CCDC171: variants seen among roughly 807,000 people sequenced by gnomAD.
CCDC171 encodes coiled-coil domain-containing protein 171.
CCDC171 carries 177 observed loss-of-function variants against 168.2 expected under a neutral mutation model. The observed-to-expected ratio is 1.05, with a 90% CI of 0.93 to 1.19. The LOEUF (loss-of-function observed/expected upper bound fraction) is 1.19, where lower values mean the gene tolerates loss of function less well. CCDC171 is among the 50% of genes most tolerant of loss of function. The pLI is 0.00. For missense variants in CCDC171, 1,991 were observed against 1,539.0 expected (o/e 1.29, Z -4.91); for synonymous variants, 687 against 540.8 (o/e 1.27, Z -3.75).
intron 17 of CCDC171, 42 bp downstream of exon 17, chr9:15,744,819 G>A: frequency 6.4e-7 from 1 of 1,568,726 alleles, no homozygotes; most frequent in Non-Finnish European, 8.6e-7. Context: ...TTGCATGTAA[G>A]CGAAATACAG....
At chr9:15,760,651 T>A (rs565038428) in intron 18 of CCDC171, among the ~76,000 whole-genome samples, 1 of 152,370 alleles carries the variant, frequency 6.6e-6, no homozygotes, top group Admixed American at 6.5e-5. Flanking sequence ...TGTGCACTGA[T>A]GTCTTAATGG....
intron 24 of CCDC171, among the ~76,000 whole-genome samples, chr9:15,917,755 T>C (rs1441986131): frequency 6.6e-6 from 1 of 151,718 alleles, no homozygotes; most frequent in African/African-American, 2.4e-5. Context: ...AATCCTAAAA[T>C]ATTAAAGGTC....
chr9:15,828,330 AC>A (rs2060098567), intron 21 of CCDC171, among the ~76,000 whole-genome samples: 1 of 24,022 alleles, frequency 4.2e-5, no homozygotes, highest in Admixed American at 5.8e-4. Flanking sequence ...AAGAGAAGAT[AC>A]AGAAAAAAAA....
At chr9:15,577,009 G>C (rs1278429861) in intron 3 of CCDC171, among the ~76,000 whole-genome samples, 1 of 152,152 alleles carries the variant, frequency 6.6e-6, no homozygotes, top group Non-Finnish European at 1.5e-5. Flanking sequence ...TGTTCAGTGG[G>C]GATTTGAGAG....
intron 11 of CCDC171, among the ~76,000 whole-genome samples, chr9:15,709,354 A>G (rs978488334): frequency 1.3e-5 from 2 of 152,194 alleles, no homozygotes; most frequent in African/African-American, 4.8e-5. Context: ...TACAATTAAC[A>G]TTTTAGATTG....
chr9:15,969,608 G>C (rs562617055), intron 25 of CCDC171, among the ~76,000 whole-genome samples: 46 of 152,218 alleles, frequency 3.0e-4, no homozygotes, highest in African/African-American at 1.1e-3. Context: ...GAAGTATAAA[G>C]ATGTATCAAA....
At chr9:15,699,999 C>T (rs35057009) in intron 11 of CCDC171, among the ~76,000 whole-genome samples, 69,060 of 152,166 alleles carry the variant, frequency 0.45, 16,035 homozygotes, top group Non-Finnish European at 0.51. Flanking sequence ...ATCCCGCACC[C>T]GGGCTGCAGG....
chr9:15,781,578 A>AT (rs1396628420), intron 20 of CCDC171, among the ~76,000 whole-genome samples: 18 of 151,742 alleles, frequency 1.2e-4, no homozygotes, highest in Non-Finnish European at 2.1e-4. Flanking sequence ...CGCTCAGCTA[A>AT]TTTTTTGTAT....
At chr9:15,579,380 A>C (rs116776510) in intron 4 of CCDC171, among the ~76,000 whole-genome samples, 1 of 152,280 alleles carries the variant, frequency 6.6e-6, no homozygotes, top group Non-Finnish European at 1.5e-5. Flanking sequence ...TATGAATCCA[A>C]ATCTCTAGCT....
At position 15,905,578 on chromosome 9, in the gene CCDC171, C is replaced by G. The variant is rs568153399; in HGVS notation, c.3601-14692C>G. Among the ~76,000 whole-genome samples, 13 of 152,130 alleles carry G rather than the reference C, an allele frequency of 8.5e-5. No individual in the cohort carries two copies. In the South Asian group the frequency reaches 2.3e-3, roughly 27 times the overall value. On this transcript the variant is annotated intron_variant, in intron 24 of 25. Transcript: ENST00000380701. The stretch of plus-strand genomic sequence containing the variant: ...GCCCACAAGAGAAAGCAGGAAAGAT[C>G]TAAAATTGACATCCTAACATCACAA...
At chr9:15,888,236 A>G (rs911592134) in intron 24 of CCDC171, 1 of 152,230 alleles carries the variant, frequency 6.6e-6, no homozygotes, top group Admixed American at 6.5e-5. Flanking sequence ...TGTGATTTTC[A>G]CATCCTGACT....
At chr9:15,988,090 T>C (rs918211196) in intron 3 of CCDC171, among the ~76,000 whole-genome samples, 4 of 152,174 alleles carry the variant, frequency 2.6e-5, no homozygotes, top group Non-Finnish European at 4.4e-5. Flanking sequence ...AATAAAAATA[T>C]AACATACCAT....
rs1213582794 is a variant in CCDC171 at position 15,642,383 on chromosome 9, A to G, written c.823-14744A>G. Among the ~76,000 whole-genome samples, 5 of 117,642 alleles carry G rather than the reference A, an allele frequency of 4.3e-5. No homozygotes were observed. In the South Asian group the frequency reaches 1.4e-3, roughly 34 times the overall value. 77.2% of individuals were successfully genotyped at this position (117,642 alleles called of 152,430 possible). On this transcript the variant is annotated intron_variant, in intron 7 of 25. Coordinates refer to ENST00000380701, the MANE Select transcript of CCDC171 (RefSeq NM_173550.4). ...TATATATATATATATATATATATAT[A>G]TGCATTTTAACCAGAATTTTGTTCC...
downstream of CCDC171, among the ~76,000 whole-genome samples, chr9:16,063,104 A>C (rs1424121338): frequency 3.3e-5 from 5 of 152,196 alleles, no homozygotes; most frequent in Non-Finnish European, 5.9e-5. Context: ...ATCACTGATG[A>C]ATAATGATTT....
intron 18 of CCDC171, among the ~76,000 whole-genome samples, chr9:15,750,840 C>T (rs535600227): frequency 1.3e-5 from 2 of 152,258 alleles, no homozygotes; most frequent in African/African-American, 2.4e-5. Flanking sequence ...TGGGCAAAAG[C>T]TGGAAGCATT....
intron 25 of CCDC171, among the ~76,000 whole-genome samples, chr9:15,959,615 G>T (rs1183992607): frequency 1.3e-5 from 2 of 152,110 alleles, no homozygotes; most frequent in Non-Finnish European, 1.5e-5. Flanking sequence ...TCCAAGCGCA[G>T]ACTGCATTTC....
intron 10 of CCDC171, among the ~76,000 whole-genome samples, chr9:15,680,258 T>G (rs1564198346): frequency 6.6e-6 from 1 of 152,218 alleles, no homozygotes; most frequent in Non-Finnish European, 1.5e-5. Flanking sequence ...TTCTCAGCAG[T>G]TTGCTGGGGA....
chr9:15,970,529 C>T (rs1187887140), intron 25 of CCDC171, among the ~76,000 whole-genome samples: 2 of 151,962 alleles, frequency 1.3e-5, no homozygotes, highest in Non-Finnish European at 2.9e-5. Flanking sequence ...TCACTATTTT[C>T]CTGCCATCTT....
chr9:15,571,824 A>G (rs2040245501), intron 3 of CCDC171, 65 bp downstream of exon 3: 3 of 1,406,494 alleles, frequency 2.1e-6, no homozygotes, highest in South Asian at 2.7e-5. Flanking sequence ...TTTATTTCAT[A>G]TGAAAAACTC....
Sources: gnomAD v4.1 joint callset for allele counts (sites outside exome capture counted in the v4.1 genomes callset) on GRCh38, gnomAD v4.1.1 for gene constraint, MANE v1.5 for transcripts, NCBI Gene and HGNC (gene_info 2026-07-23, HGNC 2026-07-21) for gene names.